CAST: variants seen among roughly 807,000 people sequenced by gnomAD.
The protein encoded by CAST is MIR583 host.
A neutral mutation model predicts 119.6 loss-of-function variants in CAST; 76 were observed. The observed-to-expected ratio is 0.64, with a 90% CI of 0.53 to 0.77. CAST has a LOEUF of 0.77. Ranked by LOEUF, CAST falls within the 30% of genes least tolerant of loss-of-function variation. The pLI is 0.00. For synonymous variants in CAST, 319 were observed against 331.6 expected, an observed-to-expected ratio of 0.96 and a Z score of 0.41; for missense variants, 953 against 946.5, an observed-to-expected ratio of 1.01 and a Z score of -0.09.
At chr5:96,350,431 G>C in the CAST span, among the ~76,000 whole-genome samples, 2 of 152,100 alleles carry the variant, frequency 1.3e-5, no homozygotes, top group Admixed American at 1.3e-4. Flanking sequence ...GGAGGACAAA[G>C]TTCTGTCCTT....
At chr5:96,309,090 G>T in the CAST span, among the ~76,000 whole-genome samples, 1 of 152,212 alleles carries the variant, frequency 6.6e-6, no homozygotes, top group African/African-American at 2.4e-5. Context: ...TTGTCCCAGG[G>T]AGATGGGGCT....
At chr5:96,348,655 G>A in the CAST span, among the ~76,000 whole-genome samples, 1 of 152,096 alleles carries the variant, frequency 6.6e-6, no homozygotes, top group African/African-American at 2.4e-5. Flanking sequence ...GTTGGAGAAA[G>A]TAAGAGGATT....
At chr5:96,380,970 T>A in the CAST span, among the ~76,000 whole-genome samples, 1 of 152,186 alleles carries the variant, frequency 6.6e-6, no homozygotes. Context: ...TTGTATCTTT[T>A]AAAAAACATC....
chr5:96,752,418 G>A lies in CAST; in HGVS notation c.1525-1642G>A, dbSNP rs79341557. ...AGTGTGAGCAGGTGTCTTAAATCAT[G>A]TAGCAACTCACATTGCTTGCATAAG... On this transcript the variant is annotated intron_variant, in intron 20 of 31. Transcript: ENST00000675179. 3.1e-3 allele frequency among the ~76,000 whole-genome samples: 471 copies of A among 152,262 alleles called. 2 individuals carry two copies. The highest frequency in any genetic ancestry group is 5.5e-3 in the Non-Finnish European group (377 of 68,028).
chr5:96,565,601 A>G (rs1746452085), intron 1 of CAST, among the ~76,000 whole-genome samples: 1 of 152,210 alleles, frequency 6.6e-6, no homozygotes, highest in South Asian at 2.1e-4. Context: ...GAGTGAATAA[A>G]TGAAGTGGTA....
At chr5:96,192,575 G>A in the CAST span, among the ~76,000 whole-genome samples, 2 of 152,192 alleles carry the variant, frequency 1.3e-5, no homozygotes, top group Non-Finnish European at 2.9e-5. Context: ...CAAAAGGAAG[G>A]ATGTGATAGG....
the CAST span, among the ~76,000 whole-genome samples, chr5:96,246,238 A>G: frequency 8.7e-6 from 1 of 114,340 alleles, no homozygotes; most frequent in Admixed American, 1.4e-4. Flanking sequence ...GCTGGAGTGC[A>G]GTGGCACGAT....
chr5:96,535,514 A>G (rs1745793344), intron 1 of CAST, among the ~76,000 whole-genome samples: 1 of 151,884 alleles, frequency 6.6e-6, no homozygotes, highest in Admixed American at 6.6e-5. Flanking sequence ...ATGAGTTGCC[A>G]GGTAAAATAT....
At chr5:96,567,254 A>G (rs185531708) in intron 1 of CAST, among the ~76,000 whole-genome samples, 3 of 152,234 alleles carry the variant, frequency 2.0e-5, no homozygotes, top group Non-Finnish European at 4.4e-5. Context: ...GCACTCTCCT[A>G]GTTAAGAAGA....
intron 1 of CAST, among the ~76,000 whole-genome samples, chr5:96,567,345 C>T (rs1436289019): frequency 1.3e-5 from 2 of 152,166 alleles, no homozygotes; most frequent in African/African-American, 2.4e-5. Flanking sequence ...TTCGCCTCAG[C>T]ATATCTATCC....
the CAST span, among the ~76,000 whole-genome samples, chr5:96,508,923 T>A: frequency 6.6e-6 from 1 of 152,228 alleles, no homozygotes; most frequent in African/African-American, 2.4e-5. Flanking sequence ...CCAATCTATG[T>A]CTCACTTCCT....
At chr5:96,360,881 T>C in the CAST span, among the ~76,000 whole-genome samples, 44,967 of 152,124 alleles carry the variant, frequency 0.3, 6,713 homozygotes, top group African/African-American at 0.33. Context: ...TCCACTGCTC[T>C]CTTCAGAGTC....
chr5:96,396,237 T>C, the CAST span, among the ~76,000 whole-genome samples: 1 of 152,136 alleles, frequency 6.6e-6, no homozygotes, highest in Non-Finnish European at 1.5e-5. Context: ...TTAATTGACA[T>C]CTCCAAGAAC....
chr5:96,315,894 C>G, the CAST span, among the ~76,000 whole-genome samples: 1 of 152,106 alleles, frequency 6.6e-6, no homozygotes, highest in Non-Finnish European at 1.5e-5. Flanking sequence ...TTGACAGATC[C>G]AGCTGAGCCC....
the CAST span, among the ~76,000 whole-genome samples, chr5:96,222,222 C>G: frequency 3.3e-5 from 5 of 151,886 alleles, no homozygotes; most frequent in Admixed American, 3.3e-4. Context: ...TGGCTAAGAC[C>G]TCAAAAGCAC....
the CAST span, among the ~76,000 whole-genome samples, chr5:96,088,135 C>G: frequency 6.6e-6 from 1 of 152,216 alleles, no homozygotes; most frequent in Non-Finnish European, 1.5e-5. Flanking sequence ...GTTTAAAAAT[C>G]TTTGACAGGT....
the CAST span, among the ~76,000 whole-genome samples, chr5:96,084,588 CA>C: frequency 2.6e-5 from 4 of 152,168 alleles, no homozygotes; most frequent in African/African-American, 9.7e-5. Context: ...CTAATTGGAT[CA>C]GAGAAATAAT....
chr5:96,633,920 G>T (rs984485844), intron 1 of CAST, among the ~76,000 whole-genome samples: 25 of 152,204 alleles, frequency 1.6e-4, no homozygotes, highest in African/African-American at 2.7e-4. Flanking sequence ...CTCACAGCCA[G>T]TGTATATCTC....
chr5:96,032,533 T>C, the CAST span, among the ~76,000 whole-genome samples: 1 of 152,140 alleles, frequency 6.6e-6, no homozygotes, highest in South Asian at 2.1e-4. Flanking sequence ...GTCTTAGTTC[T>C]AAGATAATGC....
Sources: allele counts gnomAD v4.1 joint callset (sites outside exome capture counted in the v4.1 genomes callset), GRCh38; gene constraint gnomAD v4.1.1; transcripts MANE v1.5; gene names NCBI Gene and HGNC (gene_info 2026-07-23, HGNC 2026-07-21).